ALAS1: variants seen among roughly 807,000 people sequenced by gnomAD.
ALAS1 encodes 5-aminolevulinate synthase, non-specific, mitochondrial.
A neutral mutation model predicts 59.6 loss-of-function variants in ALAS1; 29 were observed. The ratio of observed to expected loss-of-function variants is 0.49; its 90% CI spans 0.36 to 0.66. The LOEUF is 0.66. Among genes scored for constraint, ALAS1 ranks in the 30% least tolerant of loss-of-function variants. The pLI, the probability that ALAS1 is intolerant of heterozygous loss-of-function variation, is 0.00. For missense variants in ALAS1, 690 were observed against 807.5 expected, an observed-to-expected ratio of 0.85 and a Z score of 1.76; for synonymous variants, 299 against 296.6, an observed-to-expected ratio of 1.01 and a Z score of -0.08.
At chr3:52,211,212 CA>C in intron 9 of ALAS1, 70 bp from the exon 10 acceptor site, 1 of 1,555,022 alleles carries the variant, frequency 6.4e-7, no homozygotes, top group African/African-American at 1.4e-5. Context: ...TGAGGCTCCA[CA>C]ACACCTTGCT....
chr3:52,209,405 C>T (rs1226678947), intron 9 of ALAS1, among the ~76,000 whole-genome samples: 1 of 152,100 alleles, frequency 6.6e-6, no homozygotes, highest in Admixed American at 6.6e-5. Flanking sequence ...GACGGGGTTT[C>T]ACCGTGTTAG....
At position 52,199,977 on chromosome 3, in the gene ALAS1, A is replaced by G. The variant is rs1336814111; in HGVS notation, c.199+537A>G. Reference sequence around the variant, plus strand: ...TCTGGAATTACAGGCATGCACCACCACGCCCAGATAATTTTTGTACTTTTA... The same window carrying G: ...TCTGGAATTACAGGCATGCACCACCGCGCCCAGATAATTTTTGTACTTTTA... On this transcript the variant is annotated intron_variant, in intron 3 of 11. Transcript: ENST00000484952. Among the ~76,000 whole-genome samples the G allele has an allele frequency of 2.0e-5, 3 of 152,088 alleles. No individual in the cohort carries two copies. In the East Asian group the frequency reaches 5.8e-4, roughly 29 times the overall value.
chr3:52,205,047 C>A, intron 6 of ALAS1, 132 bp downstream of exon 6: 1 of 746,934 alleles, frequency 1.3e-6, no homozygotes, highest in Non-Finnish European at 2.2e-6. Context: ...CTATTCTTAG[C>A]TTCTGAAAAA....
intron 4 of ALAS1, among the ~76,000 whole-genome samples, chr3:52,203,602 G>A (rs1699234635): frequency 6.6e-6 from 1 of 151,692 alleles, no homozygotes; most frequent in African/African-American, 2.4e-5. Flanking sequence ...GAGTGAATAA[G>A]ACATGCCAAC....
chr3:52,211,215 C>A, intron 9 of ALAS1, 68 bp from the exon 10 acceptor site: 1 of 1,560,742 alleles, frequency 6.4e-7, no homozygotes, highest in South Asian at 1.2e-5. Flanking sequence ...GGCTCCACAA[C>A]ACCTTGCTGT....
intron 5 of ALAS1, 60 bp downstream of exon 5, chr3:52,204,072 G>T: frequency 1.3e-6 from 2 of 1,520,366 alleles, no homozygotes; most frequent in South Asian, 1.2e-5. Context: ...ATGTACATTA[G>T]ATTAAATATA....
In ALAS1 at chr3:52,202,687, G is replaced by C; in HGVS notation, c.380G>C (p.Ser127Thr). 6.2e-7 allele frequency: 1 copy of C among 1,614,208 alleles called. No homozygotes were observed. The highest frequency in any genetic ancestry group is 8.5e-7 in the Non-Finnish European group (1 of 1,180,036). The change falls in exon 4 of 12, where the codon AGT (serine) becomes ACT (threonine). Residue 127 changes from serine (S) to threonine (T), a missense_variant. Transcript: ENST00000484952. The stretch of plus-strand genomic sequence containing the variant: ...GGCAGCAGTGTCTTCTGCAAAGCCA[G>C]TCTTGAGCTTCAGGAGGATGTGCAG... ...QRGSSVFCKA[S>T]LELQEDVQEM...
rs201457785 is a variant in ALAS1 at position 52,203,960 on chromosome 3, A to C, written c.525A>C (p.Gln175His). 4 of 1,613,332 alleles carry C rather than the reference A, an allele frequency of 2.5e-6. No individual in the cohort carries two copies. In the East Asian group the frequency reaches 8.9e-5, roughly 36 times the overall value. The change falls in exon 5 of 12, where the codon CAA (glutamine) becomes CAC (histidine). Residue 175 changes from glutamine (Q) to histidine (H), a missense_variant. Transcript: ENST00000484952. ...GLLKNFQDIM[Q>H]KQRPERVSHL... Reference sequence around the variant, plus strand: ...TGAAGAACTTCCAGGACATCATGCAAAAGCAAAGACCAGAAAGAGTGTCTC... The same window carrying C: ...TGAAGAACTTCCAGGACATCATGCACAAGCAAAGACCAGAAAGAGTGTCTC...
At position 52,199,602 on chromosome 3, in the gene ALAS1, A is replaced by G. The variant is rs190405069; in HGVS notation, c.199+162A>G. Among the ~76,000 whole-genome samples the G allele has an allele frequency of 2.0e-4, 31 of 152,240 alleles. No homozygotes were observed. The East Asian group carries it at 5.8e-3, about 28-fold the overall frequency. ...GATTATCTCATATGATTGTCCCCCCAAGGGTAGGCACTTTTAGCTTTTCCA... is the reference window on the plus strand; with the variant it reads ...GATTATCTCATATGATTGTCCCCCCGAGGGTAGGCACTTTTAGCTTTTCCA... On this transcript the variant is annotated intron_variant, in intron 3 of 11. Coordinates refer to ENST00000484952, the MANE Select transcript of ALAS1 (RefSeq NM_000688.6).
intron 11 of ALAS1, 48 bp downstream of exon 11, chr3:52,212,468 G>A (rs1209407994): frequency 6.2e-7 from 1 of 1,606,462 alleles, no homozygotes; most frequent in Non-Finnish European, 8.5e-7. Flanking sequence ...GTTGCATAAA[G>A]CTGTCTTTGC....
chr3:52,210,123 T>C (rs1699375890), intron 9 of ALAS1, among the ~76,000 whole-genome samples: 1 of 152,232 alleles, frequency 6.6e-6, no homozygotes, highest in African/African-American at 2.4e-5. Flanking sequence ...ATAACACCAG[T>C]CATACCAAAA....
At chr3:52,200,035 C>CA (rs1699156486) in intron 3 of ALAS1, among the ~76,000 whole-genome samples, 1 of 152,186 alleles carries the variant, frequency 6.6e-6, no homozygotes. Flanking sequence ...CGGCTGGTCT[C>CA]AAACTCCTGA....
chr3:52,206,163 A>G (rs949147447), intron 7 of ALAS1, 140 bp downstream of exon 7: 1 of 834,230 alleles, frequency 1.2e-6, no homozygotes, highest in Non-Finnish European at 1.8e-6. Flanking sequence ...GGGGTCAAGC[A>G]TGAAATGCTG....
At chr3:52,202,858 G>A (rs910097579) in intron 4 of ALAS1, 124 bp downstream of exon 4, 2 of 911,998 alleles carry the variant, frequency 2.2e-6, no homozygotes, top group Non-Finnish European at 1.7e-6. Context: ...CTCTTTTAGG[G>A]CCAGAGAGGA....
Position 52,211,454 on chromosome 3 carries a change from G to A in ALAS1, c.1502G>A (p.Arg501His), listed in dbSNP as rs746247203. Residue 501 changes from arginine to histidine, a missense_variant, in exon 10 of 12, where the codon CGC becomes CAC. By Grantham distance (29) the Arg-to-His change is conservative. Transcript: ENST00000484952. ...AAGAGCGCTGAGGGACGGGTGCTTCGCCGCCAGCACCAGCGCAACGTCAAA... is the reference window on the plus strand; with the variant it reads ...AAGAGCGCTGAGGGACGGGTGCTTCACCGCCAGCACCAGCGCAACGTCAAA... ...ILKSAEGRVL[R>H]RQHQRNVKLM... 8 of 1,614,158 alleles carry A rather than the reference G, an allele frequency of 5.0e-6. No homozygotes were observed. Among genetic ancestry groups the A allele is most frequent in the East Asian group, 2.2e-5 (1 of 44,892 alleles).
At position 52,211,526 on chromosome 3, in the gene ALAS1, G is replaced by A; in HGVS notation, c.1574G>A (p.Cys525Tyr). ...GATGCCGGCCTCCCTGTTGTCCACT[G>A]CCCCAGCCACATCATCCCTGTGCGG... ...LMDAGLPVVH[C>Y]PSHIIPVRVA... The change falls in exon 10 of 12, where the codon TGC becomes TAC. Residue 525 changes from cysteine to tyrosine, a missense_variant. Physicochemically the swap from Cys to Tyr is radical, Grantham distance 194. Coordinates refer to ENST00000484952, the MANE Select transcript of ALAS1 (RefSeq NM_000688.6). 6.2e-7 allele frequency: 1 copy of A among 1,613,974 alleles called. No individual in the cohort carries two copies. The highest frequency in any genetic ancestry group is 8.5e-7 in the Non-Finnish European group (1 of 1,180,012).
chr3:52,198,591 A>C (rs1387098953), intron 1 of ALAS1, 81 bp from the exon 2 acceptor site: 1 of 589,618 alleles, frequency 1.7e-6, no homozygotes, highest in Admixed American at 3.0e-5. Context: ...CCTCGACTTT[A>C]TAAGCCCCTG....
At chr3:52,205,775 A>G in intron 6 of ALAS1, 64 bp from the exon 7 acceptor site, 1 of 1,493,354 alleles carries the variant, frequency 6.7e-7, no homozygotes. Flanking sequence ...GAAAGGGGAA[A>G]AAATTCACAT....
At position 52,204,027 on chromosome 3, in the gene ALAS1, T is replaced by C. The variant is rs199609023; in HGVS notation, c.577+15T>C. ...CTTGCCAAAATGTAAGTCTCATTGT[T>C]ATTTGCCTGATGTAGAAAAGAATTT... is the stretch of plus-strand genomic sequence containing the variant. On this transcript the variant is annotated intron_variant, in intron 5 of 11. Transcript: ENST00000484952. The C allele has an allele frequency of 1.0e-4, 166 of 1,589,766 alleles. No individual in the cohort carries two copies. The African/African-American group carries it at 2.1e-3, about 20-fold the overall frequency.
Sources: allele counts gnomAD v4.1 joint callset (sites outside exome capture counted in the v4.1 genomes callset), GRCh38; gene constraint gnomAD v4.1.1; transcripts MANE v1.5; gene names NCBI Gene and HGNC (gene_info 2026-07-23, HGNC 2026-07-21).